Variants in PKIB observed in about 807,000 individuals in gnomAD.
The protein encoded by PKIB is cAMP-dependent protein kinase inhibitor beta.
In PKIB, 2 loss-of-function variants were observed where a neutral mutation model predicts 4.5. The observed-to-expected ratio is 0.44, with a 90% CI of 0.18 to 1.39. PKIB has a LOEUF of 1.39. Ranked by LOEUF, PKIB falls within the 40% of genes most tolerant of loss-of-function variation. PKIB has a pLI of 0.27. For synonymous variants in PKIB, 38 were observed against 36.0 expected, an observed-to-expected ratio of 1.06 and a Z score of -0.20; for missense variants, 94 against 92.6, an observed-to-expected ratio of 1.02 and a Z score of -0.06.
chr6:122,530,970 A>T (rs370323932), intron 2 of PKIB, among the ~76,000 whole-genome samples: 1 of 152,134 alleles, frequency 6.6e-6, no homozygotes, highest in South Asian at 2.1e-4. Context: ...TATCTACTCA[A>T]TTTGCCTCTG....
chr6:122,706,039 G>A lies in PKIB; in HGVS notation c.-8-11748G>A, dbSNP rs538465373. The stretch of plus-strand genomic sequence containing the variant: ...CGTGGGCATAACACTCCATGGCAGC[G>A]AAATGTTTCCTTTTCTCTTATTTAG... On this transcript the variant is annotated intron_variant, in intron 3 of 4. Coordinates refer to ENST00000368452, the MANE Select transcript of PKIB (RefSeq NM_181795.3). Among the ~76,000 whole-genome samples, 24 of 152,192 alleles carry A rather than the reference G, an allele frequency of 1.6e-4. No homozygotes were observed. In the South Asian group the frequency reaches 3.9e-3, roughly 25 times the overall value.
intron 2 of PKIB, chr6:122,585,368 A>T (rs984894719): frequency 2.6e-5 from 4 of 152,146 alleles, no homozygotes; most frequent in Admixed American, 6.6e-5. Flanking sequence ...AACATCTTTC[A>T]ACTTCACTTG....
intron 2 of PKIB, among the ~76,000 whole-genome samples, chr6:122,655,823 C>A (rs1582781722): frequency 6.6e-6 from 1 of 152,002 alleles, no homozygotes; most frequent in African/African-American, 2.4e-5. Context: ...GACTATTATA[C>A]TAGCCTATAT....
intron 3 of PKIB, among the ~76,000 whole-genome samples, chr6:122,590,516 G>A (rs1773986337): frequency 6.6e-6 from 1 of 152,196 alleles, no homozygotes; most frequent in Non-Finnish European, 1.5e-5. Flanking sequence ...CAAGTGCTCA[G>A]TAAGCTACAG....
intron 3 of PKIB, among the ~76,000 whole-genome samples, chr6:122,695,298 T>G (rs1778527918): frequency 6.6e-6 from 1 of 152,118 alleles, no homozygotes; most frequent in Non-Finnish European, 1.5e-5. Context: ...ATGAGAGAAG[T>G]ATTTGTTTCT....
chr6:122,543,595 G>A (rs1346190420), intron 2 of PKIB, among the ~76,000 whole-genome samples: 2 of 151,818 alleles, frequency 1.3e-5, no homozygotes, highest in African/African-American at 4.9e-5. Context: ...GGCCAGACTG[G>A]TCTTGAGCTC....
chr6:122,584,806 A>G (rs571687969), intron 2 of PKIB, among the ~76,000 whole-genome samples: 3 of 152,200 alleles, frequency 2.0e-5, no homozygotes, highest in African/African-American at 7.2e-5. Flanking sequence ...TGTTACTGAG[A>G]TAGGACGTGG....
chr6:122,562,833 C>A (rs1773073602), intron 2 of PKIB, among the ~76,000 whole-genome samples: 1 of 151,516 alleles, frequency 6.6e-6, no homozygotes, highest in Admixed American at 6.6e-5. Context: ...CTTAAGCTAT[C>A]TATTTCTTTG....
intron 1 of PKIB, among the ~76,000 whole-genome samples, chr6:122,623,347 G>A (rs145261801): frequency 5.9e-5 from 9 of 152,270 alleles, no homozygotes; most frequent in Non-Finnish European, 1.0e-4. Flanking sequence ...GTTGAGCAAT[G>A]GGTTCTTCTT....
intron 2 of PKIB, among the ~76,000 whole-genome samples, chr6:122,535,813 C>T (rs879853841): frequency 4.6e-5 from 7 of 152,150 alleles, no homozygotes; most frequent in Admixed American, 1.3e-4. Flanking sequence ...TGACATCAGT[C>T]GGGTTTGTAA....
intron 2 of PKIB, among the ~76,000 whole-genome samples, chr6:122,508,135 C>T (rs971270096): frequency 1.3e-5 from 2 of 152,072 alleles, no homozygotes; most frequent in African/African-American, 2.4e-5. Context: ...TAGTCTGGTC[C>T]ATTGTCTGTT....
At chr6:122,655,308 A>G (rs1221853510) in intron 2 of PKIB, among the ~76,000 whole-genome samples, 1 of 152,222 alleles carries the variant, frequency 6.6e-6, no homozygotes, top group African/African-American at 2.4e-5. Flanking sequence ...TTATATGTTG[A>G]AATCATAAAT....
At chr6:122,545,326 A>G (rs1772459835) in intron 2 of PKIB, among the ~76,000 whole-genome samples, 1 of 152,004 alleles carries the variant, frequency 6.6e-6, no homozygotes, top group Non-Finnish European at 1.5e-5. Flanking sequence ...GAATGAGATC[A>G]TGTCTTTTGC....
intron 2 of PKIB, among the ~76,000 whole-genome samples, chr6:122,583,830 G>C (rs1442075275): frequency 6.6e-6 from 1 of 152,090 alleles, no homozygotes; most frequent in African/African-American, 2.4e-5. Flanking sequence ...TCTGAGACTA[G>C]TGAGAATAGA....
chr6:122,582,453 A>T (rs1376022380), intron 2 of PKIB, among the ~76,000 whole-genome samples: 1 of 152,108 alleles, frequency 6.6e-6, no homozygotes, highest in Non-Finnish European at 1.5e-5. Flanking sequence ...TTTATATTCC[A>T]TAATGTGACA....
intron 2 of PKIB, chr6:122,482,450 T>A (rs1446631461): frequency 6.6e-6 from 1 of 152,166 alleles, no homozygotes; most frequent in Non-Finnish European, 1.5e-5. Context: ...TCAACATGCT[T>A]CTCCATACAT....
chr6:122,604,322 G>T (rs1185102904), intron 3 of PKIB, among the ~76,000 whole-genome samples: 1 of 152,200 alleles, frequency 6.6e-6, no homozygotes, highest in East Asian at 1.9e-4. Context: ...TGTAAGATTG[G>T]ATGGCAACTT....
intron 2 of PKIB, among the ~76,000 whole-genome samples, chr6:122,650,458 T>G (rs1392728402): frequency 6.6e-6 from 1 of 152,224 alleles, no homozygotes; most frequent in African/African-American, 2.4e-5. Flanking sequence ...ATTAAGAATT[T>G]AGTAGATTAC....
intron 2 of PKIB, among the ~76,000 whole-genome samples, chr6:122,573,227 G>T (rs1773421613): frequency 6.6e-6 from 1 of 152,058 alleles, no homozygotes. Flanking sequence ...CAAAATACTA[G>T]CTAACTGAAT....
Sources: allele counts gnomAD v4.1 joint callset (sites outside exome capture counted in the v4.1 genomes callset), GRCh38; gene constraint gnomAD v4.1.1; transcripts MANE v1.5; gene names NCBI Gene and HGNC (gene_info 2026-07-23, HGNC 2026-07-21).